PLCL1: variants seen among roughly 807,000 people sequenced by gnomAD.
PLCL1 encodes the protein phospholipase C like 1 (inactive).
A neutral mutation model predicts 84.4 loss-of-function variants in PLCL1; 41 were observed. That is an observed-to-expected ratio of 0.49 (90% confidence interval 0.38 to 0.63). PLCL1 has a LOEUF of 0.63. Ranked by LOEUF, PLCL1 falls within the 30% of genes least tolerant of loss-of-function variation. The probability of loss-of-function intolerance (pLI) is 0.00; values close to 1 mark genes in which losing one functional copy is unlikely to be tolerated. For missense variants in PLCL1, 1,206 were observed against 1,367.8 expected, an observed-to-expected ratio of 0.88 and a Z score of 1.87; for synonymous variants, 490 against 488.3, an observed-to-expected ratio of 1.00 and a Z score of -0.05.
At chr2:197,941,769 C>T (rs932788906) in intron 1 of PLCL1, among the ~76,000 whole-genome samples, 1 of 152,188 alleles carries the variant, frequency 6.6e-6, no homozygotes, top group Non-Finnish European at 1.5e-5. Flanking sequence ...CTCTCTCTCT[C>T]CCATTGTTGG....
chr2:197,982,428 T>A (rs1369446976), intron 1 of PLCL1, among the ~76,000 whole-genome samples: 1 of 152,186 alleles, frequency 6.6e-6, no homozygotes, highest in Non-Finnish European at 1.5e-5. Context: ...TACTTTTAAC[T>A]ATCTTTAAGC....
intron 1 of PLCL1, among the ~76,000 whole-genome samples, chr2:197,864,214 C>A (rs1687485042): frequency 6.6e-6 from 1 of 152,112 alleles, no homozygotes; most frequent in African/African-American, 2.4e-5. Context: ...CTTCTACTGT[C>A]CCCTGCCAAT....
In PLCL1 at chr2:197,805,240, C is replaced by A; in HGVS notation, c.141C>A (p.Ser47Arg). The change falls in exon 1 of 6, where the codon AGC (serine) becomes AGA (arginine). Residue 47 changes from serine (S) to arginine (R), a missense_variant. Coordinates refer to ENST00000428675, the MANE Select transcript of PLCL1 (RefSeq NM_006226.4). This position sits in a 1 kb window ranked among gnomAD's most constrained non-coding sequence, Gnocchi z 4.0. ...ASGGRMRDRR[S>R]GVALPGAAGT... is the part of the protein sequence containing the mutation. ...GGGGCCGGATGAGGGACCGTCGCAG[C>A]GGGGTCGCACTGCCAGGCGCCGCGG... The A allele has an allele frequency of 7.9e-7, 1 of 1,268,272 alleles. No individual in the cohort carries two copies. The highest frequency in any genetic ancestry group is 9.9e-7 in the Non-Finnish European group (1 of 1,008,590). The allele number at this position is 1,268,272 out of a possible 1,614,324, so 78.6% of individuals were successfully genotyped here. A position where few individuals can be genotyped will look rare whatever the true frequency, so the allele number is the denominator to read the frequency against.
chr2:197,974,457 A>T (rs1302008082), intron 1 of PLCL1, among the ~76,000 whole-genome samples: 1 of 152,240 alleles, frequency 6.6e-6, no homozygotes, highest in Non-Finnish European at 1.5e-5. Flanking sequence ...ATTATTGCTT[A>T]CTACTTAGAG....
intron 1 of PLCL1, among the ~76,000 whole-genome samples, chr2:197,825,700 TG>T (rs777495945): frequency 5.9e-5 from 9 of 152,308 alleles, no homozygotes; most frequent in Admixed American, 5.9e-4. Context: ...AGAGACAGCG[TG>T]GGCAGGTAAG....
intron 1 of PLCL1, among the ~76,000 whole-genome samples, chr2:197,990,707 T>C (rs1230616186): frequency 1.3e-5 from 2 of 152,148 alleles, no homozygotes; most frequent in Non-Finnish European, 2.9e-5. Context: ...GCAGCTACAA[T>C]TCAAGATGAG....
intron 1 of PLCL1, among the ~76,000 whole-genome samples, chr2:198,015,185 A>G (rs1690968726): frequency 6.6e-6 from 1 of 152,054 alleles, no homozygotes; most frequent in Admixed American, 6.6e-5. Flanking sequence ...TGGTTATTTT[A>G]CTGTTCTTGC....
intron 5 of PLCL1, among the ~76,000 whole-genome samples, chr2:198,108,924 A>T (rs1386503021): frequency 6.6e-6 from 1 of 151,874 alleles, no homozygotes; most frequent in Non-Finnish European, 1.5e-5. Context: ...TGGTCTCCTT[A>T]CATAGCCATT....
chr2:198,030,774 T>G (rs1559079977), intron 1 of PLCL1, among the ~76,000 whole-genome samples: 1 of 152,158 alleles, frequency 6.6e-6, no homozygotes, highest in Non-Finnish European at 1.5e-5. Flanking sequence ...GTTAGCACAC[T>G]GCAGAGGCGG....
intron 1 of PLCL1, among the ~76,000 whole-genome samples, chr2:197,892,609 C>G (rs1204808761): frequency 6.6e-6 from 1 of 152,180 alleles, no homozygotes; most frequent in African/African-American, 2.4e-5. Context: ...TGGCGGTAGA[C>G]AGATGTTTGT....
At chr2:197,937,523 T>C (rs1470430019) in intron 1 of PLCL1, among the ~76,000 whole-genome samples, 1 of 152,216 alleles carries the variant, frequency 6.6e-6, no homozygotes, top group African/African-American at 2.4e-5. Context: ...AGTATTTTGT[T>C]TCTTTGAAGC....
chr2:198,092,952 C>T (rs982892263), intron 3 of PLCL1, among the ~76,000 whole-genome samples: 7 of 152,080 alleles, frequency 4.6e-5, no homozygotes, highest in Admixed American at 6.6e-5. Flanking sequence ...TGGTGAAAAT[C>T]GTGTAGTTTC....
intron 1 of PLCL1, among the ~76,000 whole-genome samples, chr2:197,970,203 C>G (rs973877499): frequency 1.3e-5 from 2 of 152,130 alleles, no homozygotes; most frequent in Admixed American, 6.5e-5. Context: ...GGCCTTCTTG[C>G]TATGTTATCC....
chr2:197,878,553 T>G (rs1687777137), intron 1 of PLCL1, among the ~76,000 whole-genome samples: 1 of 152,170 alleles, frequency 6.6e-6, no homozygotes, highest in Non-Finnish European at 1.5e-5. Context: ...CTAGGATACA[T>G]AAGCAAGATA....
intron 1 of PLCL1, among the ~76,000 whole-genome samples, chr2:198,004,301 T>C (rs1056049269): frequency 6.6e-6 from 1 of 152,196 alleles, no homozygotes; most frequent in Non-Finnish European, 1.5e-5. Context: ...CAGGGAAGTT[T>C]AGTGGATTAG....
intron 1 of PLCL1, among the ~76,000 whole-genome samples, chr2:198,054,951 C>T (rs1006002228): frequency 6.6e-6 from 1 of 151,988 alleles, no homozygotes; most frequent in Non-Finnish European, 1.5e-5. Flanking sequence ...TAAGAAATGA[C>T]CTCAGATGAA....
chr2:197,822,338 T>A (rs1321763688), intron 1 of PLCL1, among the ~76,000 whole-genome samples: 6 of 152,160 alleles, frequency 3.9e-5, no homozygotes, highest in Non-Finnish European at 7.4e-5. Flanking sequence ...GAAAAAATTC[T>A]TACGTTGAGC....
chr2:197,986,210 A>G (rs1325175977), intron 1 of PLCL1, among the ~76,000 whole-genome samples: 1 of 152,234 alleles, frequency 6.6e-6, no homozygotes, highest in Non-Finnish European at 1.5e-5. Flanking sequence ...CGATATTACT[A>G]TGTAGAGACC....
chr2:197,992,089 G>A (rs893215048), intron 1 of PLCL1, among the ~76,000 whole-genome samples: 1 of 150,862 alleles, frequency 6.6e-6, no homozygotes, highest in African/African-American at 2.4e-5. Context: ...TATACTTTAA[G>A]TTTTAGGGTA....
Sources: gnomAD v4.1 joint callset for allele counts (sites outside exome capture counted in the v4.1 genomes callset) on GRCh38, gnomAD v4.1.1 for gene constraint, Gnocchi (gnomAD v3.1) non-coding constraint, MANE v1.5 for transcripts, NCBI Gene and HGNC (gene_info 2026-07-23, HGNC 2026-07-21) for gene names.